Variants in CD200 observed in about 807,000 individuals in gnomAD.
CD200 encodes the protein OX-2 membrane glycoprotein.
A neutral mutation model predicts 30.9 loss-of-function variants in CD200; 15 were observed. That is an observed-to-expected ratio of 0.49 (90% CI 0.32 to 0.75). The LOEUF is 0.75. Among genes scored for constraint, CD200 ranks in the 30% least tolerant of loss-of-function variants. CD200 has a pLI of 0.03. For synonymous variants in CD200, 134 were observed against 126.2 expected, an observed-to-expected ratio of 1.06 and a Z score of -0.41; for missense variants, 262 against 324.2, an observed-to-expected ratio of 0.81 and a Z score of 1.47.
At chr3:112,334,325 C>A (rs2081064509) in intron 1 of CD200, 2 of 805,994 alleles carry the variant, frequency 2.5e-6, no homozygotes, top group Non-Finnish European at 3.0e-6. Context: ...TTTTTGTGAA[C>A]CCTGGACTGC....
In CD200 at chr3:112,342,321, CTTTCT is replaced by C. The variant is rs1559782971; in HGVS notation, c.94+1341_94+1345del. Among the ~76,000 whole-genome samples the C allele has an allele frequency of 1.3e-3, 29 of 22,694 alleles. 2 individuals are homozygous for C. The highest frequency in any genetic ancestry group is 5.9e-3 in the African/African-American group (27 of 4,578). 14.9% of individuals were successfully genotyped at this position (22,694 alleles called of 152,430 possible). On this transcript the variant is annotated intron_variant, in intron 2 of 5. Transcript: ENST00000315711. ...TCCTTCCTTCCTTTCTTCTTTCTTTCTTTCTTTCTTTCTTTCCTTCTTTCTTTCTT... is the reference window on the plus strand; with the variant it reads ...TCCTTCCTTCCTTTCTTCTTTCTTTCTTCTTTCTTTCCTTCTTTCTTTCTT...
intron 5 of CD200, among the ~76,000 whole-genome samples, chr3:112,359,129 G>A (rs982970384): frequency 3.3e-5 from 5 of 152,182 alleles, no homozygotes; most frequent in South Asian, 4.1e-4. Context: ...CCTTTGAGGC[G>A]ATGGAGGGAG....
At chr3:112,359,246 T>TA (rs1205748571) in intron 5 of CD200, among the ~76,000 whole-genome samples, 17 of 152,098 alleles carry the variant, frequency 1.1e-4, no homozygotes, top group Middle Eastern at 3.4e-3. Flanking sequence ...AGAGCTTTTT[T>TA]TAAAAAAAAC....
chr3:112,350,877 G>T (rs916352727), intron 5 of CD200, among the ~76,000 whole-genome samples: 1 of 151,602 alleles, frequency 6.6e-6, no homozygotes, highest in Non-Finnish European at 1.5e-5. Context: ...ACTTTATTTT[G>T]CATAATCCTC....
At chr3:112,349,686 C>A in intron 4 of CD200, 26 bp from the exon 5 acceptor site, 1 of 1,586,136 alleles carries the variant, frequency 6.3e-7, no homozygotes. Context: ...ATGTCATTTT[C>A]CTTTTTCTTT....
chr3:112,356,708 T>A (rs916798305), intron 5 of CD200, among the ~76,000 whole-genome samples: 6 of 152,246 alleles, frequency 3.9e-5, no homozygotes, highest in Non-Finnish European at 8.8e-5. Flanking sequence ...TTTCAACTGT[T>A]AATTTTAGCA....
At chr3:112,359,351 G>C (rs2081693044) in intron 5 of CD200, among the ~76,000 whole-genome samples, 1 of 152,106 alleles carries the variant, frequency 6.6e-6, no homozygotes, top group Non-Finnish European at 1.5e-5. Flanking sequence ...TCAGTAGTTA[G>C]GTCATATAAG....
chr3:112,357,480 TAA>T (rs2081650325), intron 5 of CD200, among the ~76,000 whole-genome samples: 1 of 152,186 alleles, frequency 6.6e-6, no homozygotes, highest in Non-Finnish European at 1.5e-5. Flanking sequence ...TGCGGCAGAC[TAA>T]GTTTGTAACA....
chr3:112,355,851 AT>A (rs1177240959), intron 5 of CD200, among the ~76,000 whole-genome samples: 6 of 152,344 alleles, frequency 3.9e-5, no homozygotes, highest in Admixed American at 2.0e-4. Context: ...GTAGAAAAAA[AT>A]GTTAGAAATA....
At chr3:112,346,102 A>G (rs747145653) in intron 3 of CD200, among the ~76,000 whole-genome samples, 37 of 151,840 alleles carry the variant, frequency 2.4e-4, no homozygotes, top group Non-Finnish European at 4.6e-4. Context: ...ATGAGAATGC[A>G]AGGGAGATAG....
At chr3:112,355,185 G>A (rs1301004102) in intron 5 of CD200, among the ~76,000 whole-genome samples, 1 of 152,138 alleles carries the variant, frequency 6.6e-6, no homozygotes, top group Admixed American at 6.5e-5. Context: ...TGACCTCCCA[G>A]TGGAAGCATT....
chr3:112,344,448 T>C (rs989138440), intron 2 of CD200, among the ~76,000 whole-genome samples: 12 of 152,234 alleles, frequency 7.9e-5, no homozygotes, highest in African/African-American at 2.7e-4. Flanking sequence ...TGTTCCTATA[T>C]ACACTCTTGC....
At position 112,344,907 on chromosome 3, in the gene CD200, A is replaced by G. The variant is rs369234731; in HGVS notation, c.95-55A>G. ...TATACATTTTATTTATAATCAGGAA[A>G]AAGTGTATGTGTGTTACAATCTTTA... On this transcript the variant is annotated intron_variant, in intron 2 of 5. Coordinates refer to ENST00000315711, the MANE Select transcript of CD200 (RefSeq NM_005944.7). 100 of 1,272,316 alleles carry G rather than the reference A, an allele frequency of 7.9e-5. 1 individual carries two copies. The highest frequency in any genetic ancestry group is 6.3e-4 in the East Asian group (27 of 42,940). 78.8% of individuals were successfully genotyped at this position (1,272,316 alleles called of 1,614,324 possible). A position where few individuals can be genotyped will look rare whatever the true frequency, so the allele number is the denominator to read the frequency against.
chr3:112,341,826 C>A (rs945958517), intron 2 of CD200, among the ~76,000 whole-genome samples: 11 of 152,176 alleles, frequency 7.2e-5, no homozygotes, highest in Non-Finnish European at 2.9e-5. Context: ...GTAATTTCTT[C>A]AAATCTCTGG....
intron 1 of CD200, chr3:112,336,001 C>T: frequency 6.2e-7 from 1 of 1,609,770 alleles, no homozygotes; most frequent in South Asian, 1.1e-5. Context: ...GGAAAGACCA[C>T]CATCAATGAT....
chr3:112,347,122 T>C (rs1215793077), intron 3 of CD200, among the ~76,000 whole-genome samples: 1 of 152,180 alleles, frequency 6.6e-6, no homozygotes, highest in Non-Finnish European at 1.5e-5. Flanking sequence ...CCCTAGTGCC[T>C]CTGATAGGTA....
intron 2 of CD200, 22 bp from the exon 3 acceptor site, chr3:112,344,940 A>G: frequency 6.6e-7 from 1 of 1,523,068 alleles, no homozygotes; most frequent in South Asian, 1.2e-5. Flanking sequence ...TTAAATATAA[A>G]TGTTCTTTTA....
intron 1 of CD200, chr3:112,335,933 C>G: frequency 6.2e-7 from 1 of 1,601,548 alleles, no homozygotes; most frequent in Non-Finnish European, 8.6e-7. Flanking sequence ...TCATTGATCT[C>G]AAACCACAGA....
intron 3 of CD200, 104 bp downstream of exon 3, chr3:112,345,392 A>G: frequency 5.7e-6 from 5 of 882,914 alleles, no homozygotes; most frequent in Non-Finnish European, 7.2e-6. Context: ...AACCACAGAA[A>G]GGGTCATGAG....
Sources: allele counts gnomAD v4.1 joint callset (sites outside exome capture counted in the v4.1 genomes callset), GRCh38; gene constraint gnomAD v4.1.1; transcripts MANE v1.5; gene names NCBI Gene and HGNC (gene_info 2026-07-23, HGNC 2026-07-21).